The following ADAD2 variants were observed in gnomAD, a reference collection of about 807,000 sequenced individuals.
ADAD2 encodes the protein adenosine deaminase domain containing 2, also known as adenosine deaminase domain-containing protein 2.
ADAD2 carries 60 observed loss-of-function variants against 54.5 expected under a neutral mutation model. That is an observed-to-expected ratio of 1.10 (90% CI 0.89 to 1.36). The LOEUF is 1.36. Ranked by LOEUF, ADAD2 falls within the 40% of genes most tolerant of loss-of-function variation. ADAD2 has a pLI of 0.00. For synonymous variants in ADAD2, 543 were observed against 366.2 expected (o/e 1.48, Z -5.51); for missense variants, 1,103 against 801.3 (o/e 1.38, Z -4.54).
chr16:84,194,672 C>T (rs765827467), intron 2 of ADAD2, 90 bp downstream of exon 2: 20 of 1,538,664 alleles, frequency 1.3e-5, no homozygotes, highest in African/African-American at 9.6e-5. Context: ...AGTGGCTGTG[C>T]GTGTGAGCAG....
At chr16:84,194,402 A>G in intron 1 of ADAD2, 40 bp from the exon 2 acceptor site, 1 of 1,589,804 alleles carries the variant, frequency 6.3e-7, no homozygotes, top group Non-Finnish European at 8.5e-7. Flanking sequence ...TCACAGGGCG[A>G]AGGCCAGGGG....
chr16:84,194,706 T>C lies in ADAD2; in HGVS notation c.559+124T>C, dbSNP rs1021662495. On this transcript the variant is annotated intron_variant, in intron 2 of 9. Transcript: ENST00000315906. The stretch of plus-strand genomic sequence containing the variant: ...AGGAGGTGGGTTGCTGTACAAACCA[T>C]CTGAGCATCAGGACGTCACCTGCAG... 7 of 1,477,754 alleles carry C rather than the reference T, an allele frequency of 4.7e-6. No individual in the cohort carries two copies. In the Admixed American group the frequency reaches 5.9e-5, roughly 12 times the overall value. The allele number at this position is 1,477,754 out of a possible 1,614,324, so 91.5% of individuals were successfully genotyped here. A position where few individuals can be genotyped will look rare whatever the true frequency, so the allele number is the denominator to read the frequency against.
chr16:84,191,944 T>C, intron 1 of ADAD2: 1 of 522,432 alleles, frequency 1.9e-6, no homozygotes, highest in Non-Finnish European at 3.5e-6. Context: ...TCTGTATACG[T>C]TTTTAGAGCC....
Position 84,195,397 on chromosome 16 carries a change from C to T in ADAD2, c.835C>T (p.Gln279Ter). The T allele has an allele frequency of 6.2e-7, 1 of 1,608,816 alleles. No individual in the cohort carries two copies. Among genetic ancestry groups the T allele is most frequent in the Non-Finnish European group, 8.5e-7 (1 of 1,179,386 alleles). The change falls in exon 5 of 10, where the codon CAG becomes TAG. Residue 279 changes from glutamine to a stop codon, truncating the protein, a stop_gained. Transcript: ENST00000315906. LOFTEE classifies it high-confidence loss of function. ...TGGCTGGCTGGAGTTCTCGGGCCAGCAGCTCCACGACTGCCATGGCCTGGT... is the reference window on the plus strand; with the variant it reads ...TGGCTGGCTGGAGTTCTCGGGCCAGTAGCTCCACGACTGCCATGGCCTGGT... ...CAGWLEFSGQQLHDCHGLVIA... is the reference protein window; with the variant it reads ...CAGWLEFSGQ
At chr16:84,191,849 C>A (rs908336876) in intron 1 of ADAD2, 10 of 757,424 alleles carry the variant, frequency 1.3e-5, no homozygotes, top group Non-Finnish European at 2.3e-6. Flanking sequence ...TCACCAGCCA[C>A]ACCAGATGCT....
chr16:84,195,680 C>T lies in ADAD2; in HGVS notation c.1035C>T (p.Gly345=), dbSNP rs146308441. The T allele has an allele frequency of 3.2e-4, 496 of 1,563,768 alleles. 1 individual carries two copies. In the African/African-American group the frequency reaches 4.9e-3, roughly 15 times the overall value. Residue 345 remains glycine, a synonymous_variant, in exon 6 of 10, where the codon GGC becomes GGT. Transcript: ENST00000315906. The stretch of plus-strand genomic sequence containing the variant: ...TCTACATCAGCAACACCCCCAAGGG[C>T]GCGGCCCGTGACATCTAGTATGCAG... ...LHLYISNTPK[G]AARDIYLPPT... is the part of the protein sequence containing the mutation.
rs1281936152 is a variant in ADAD2 at position 84,196,715 on chromosome 16, G to C, written c.1595G>C (p.Arg532Thr). 1 of 1,613,196 alleles carries C rather than the reference G, an allele frequency of 6.2e-7. No homozygotes were observed. The highest frequency in any genetic ancestry group is 8.5e-7 in the Non-Finnish European group (1 of 1,179,978). The part of the protein sequence containing the change: ...SFLRAFHQAA[R>T]AVGKPYLLAL... ...CTCCGGGCCTTTCACCAGGCGGCCA[G>C]GGCTGTGGGGAAGCCCTACCTCCTG... Residue 532 changes from arginine (R) to threonine (T), a missense_variant, in exon 9 of 10, where the codon AGG becomes ACG. Coordinates refer to ENST00000315906, the MANE Select transcript of ADAD2 (RefSeq NM_001145400.2).
At chr16:84,191,686 G>T in intron 1 of ADAD2, 38 bp downstream of exon 1, 2 of 1,546,750 alleles carry the variant, frequency 1.3e-6, no homozygotes, top group South Asian at 2.4e-5. Flanking sequence ...CCAGAGGGCA[G>T]AGCCACGGAG....
Position 84,194,117 on chromosome 16 carries a change from G to A in ADAD2, c.419-325G>A, listed in dbSNP as rs770675816. 8.1e-6 allele frequency: 13 copies of A among 1,614,074 alleles called. No individual in the cohort carries two copies. In the East Asian group the frequency reaches 1.6e-4, roughly 19 times the overall value. On this transcript the variant is annotated intron_variant, in intron 1 of 9. Transcript: ENST00000315906. ...CTGAGAACAGGGTGGCGTGGGCTCT[G>A]GAGAGGGGACCTGGATTTGGGTCCT...
intron 1 of ADAD2, chr16:84,192,842 C>T (rs564706847): frequency 1.6e-4 from 23 of 147,674 alleles, no homozygotes; most frequent in African/African-American, 5.3e-4. Context: ...CCTTGCCCAG[C>T]CCTCTTTTTT....
chr16:84,196,424 T>C, intron 8 of ADAD2, 54 bp downstream of exon 8: 1 of 1,573,514 alleles, frequency 6.4e-7, no homozygotes, highest in Non-Finnish European at 8.6e-7. Context: ...GATGGAGGGC[T>C]CATGCATGAG....
chr16:84,193,922 A>G (rs1436430896), intron 1 of ADAD2: 1 of 1,345,432 alleles, frequency 7.4e-7, no homozygotes, highest in Non-Finnish European at 1.0e-6. Flanking sequence ...TTAACCCTGC[A>G]CCTTTGACCA....
At position 84,191,234 on chromosome 16, in the gene ADAD2, G is replaced by A. The variant is rs753990309; in HGVS notation, c.4G>A (p.Ala2Thr). 3.1e-6 allele frequency: 5 copies of A among 1,607,392 alleles called. No homozygotes were observed. The highest frequency in any genetic ancestry group is 1.1e-5 in the South Asian group (1 of 90,906). The change falls in exon 1 of 10, where the codon GCT becomes ACT. Residue 2 changes from alanine to threonine, a missense_variant. By Grantham distance (58) the Ala-to-Thr change is moderately conservative. Transcript: ENST00000315906. M[A>T]SASQGADDDG... ...CCTCAGATCTTCGTTGGCGGCCATG[G>A]CTTCGGCTTCTCAGGGCGCTGACGA...
chr16:84,193,130 A>G (rs907064578), intron 1 of ADAD2: 2 of 152,176 alleles, frequency 1.3e-5, no homozygotes, highest in African/African-American at 4.8e-5. Context: ...GCCCGGCCTC[A>G]TCTATATTTC....
chr16:84,191,284 C>T lies in ADAD2; in HGVS notation c.54C>T (p.Arg18=). Residue 18 remains arginine, a synonymous_variant, in exon 1 of 10, where the codon CGC becomes CGT. Coordinates refer to ENST00000315906, the MANE Select transcript of ADAD2 (RefSeq NM_001145400.2). The part of the protein sequence containing the change: ...ADDDGSRRKP[R]LAASLQISPQ... ...ACGACGGCAGTCGTAGGAAGCCCCG[C>T]CTGGCTGCATCGTTGCAGATCAGCC... The T allele has an allele frequency of 6.2e-7, 1 of 1,604,628 alleles. No homozygotes were observed.
At chr16:84,194,729 C>A in intron 2 of ADAD2, 147 bp downstream of exon 2, 1 of 1,410,582 alleles carries the variant, frequency 7.1e-7, no homozygotes, top group Non-Finnish European at 9.7e-7. Flanking sequence ...ACGTCACCTG[C>A]AGGGAGCTGG....
In ADAD2 at chr16:84,191,190, C is replaced by T; in HGVS notation, c.-41C>T. 4 of 1,584,388 alleles carry T rather than the reference C, an allele frequency of 2.5e-6. No individual in the cohort carries two copies. The highest frequency in any genetic ancestry group is 3.6e-5 in the Admixed American group (2 of 56,308). ...TGCGCGTGTGAAAGGGCGAGAGCAG[C>T]GCGAGATAGGGCCTAGCGCCTCAGA... On this transcript the variant is annotated 5_prime_UTR_variant, in exon 1 of 10. Transcript: ENST00000315906.
rs1170874959 is a variant in ADAD2, at chr16:84,191,495, G to A, written c.265G>A (p.Glu89Lys). 3.9e-6 allele frequency: 6 copies of A among 1,541,412 alleles called. No homozygotes were observed. The highest frequency in any genetic ancestry group is 3.6e-5 in the South Asian group (3 of 83,854). The change falls in exon 1 of 10, where the codon GAA becomes AAA. Residue 89 changes from glutamate (E) to lysine (K), a missense_variant. By Grantham distance (56) the Glu-to-Lys change is moderately conservative. Coordinates refer to ENST00000315906, the MANE Select transcript of ADAD2 (RefSeq NM_001145400.2). ...GAARAWENLG[E>K]QMGKAPRVPV... ...AGCCCGGGCGTGGGAAAACTTGGGG[G>A]AACAGATGGGGAAGGCCCCGAGGGT...
At chr16:84,193,024 T>C (rs1283247127) in intron 1 of ADAD2, 1 of 152,098 alleles carries the variant, frequency 6.6e-6, no homozygotes, top group Non-Finnish European at 1.5e-5. Flanking sequence ...TTTTTGTGTT[T>C]TAATAGAGAT....
Sources: allele counts gnomAD v4.1 joint callset, GRCh38; gene constraint gnomAD v4.1.1; transcripts MANE v1.5; gene names NCBI Gene and HGNC (gene_info 2026-07-23, HGNC 2026-07-21).